MOSPD2: variants seen among roughly 807,000 people sequenced by gnomAD.
MOSPD2 encodes motile sperm domain containing 2.
A neutral mutation model predicts 41.7 loss-of-function variants in MOSPD2; 5 were observed. The observed-to-expected ratio is 0.12, with a 90% CI of 0.06 to 0.25. The LOEUF (loss-of-function observed/expected upper bound fraction) is 0.25. MOSPD2 is among the 10% of genes least tolerant of loss of function. The pLI, the probability that MOSPD2 is intolerant of heterozygous loss-of-function variation, is 1.00. For missense variants in MOSPD2, 282 were observed against 375.2 expected, an observed-to-expected ratio of 0.75 and a Z score of 2.05; for synonymous variants, 115 against 126.9, an observed-to-expected ratio of 0.91 and a Z score of 0.63.
At chrX:14,906,828 C>T (rs755071692) in intron 7 of MOSPD2, among the ~76,000 whole-genome samples, 1 of 111,397 alleles carries the variant, frequency 9.0e-6, no homozygotes, top group Non-Finnish European at 1.9e-5. Flanking sequence ...AGTTGGAGAC[C>T]AACCTGGCTA....
At chrX:14,882,835 A>G (rs2147479889) in intron 2 of MOSPD2, among the ~76,000 whole-genome samples, 1 of 103,836 alleles carries the variant, frequency 9.6e-6, no homozygotes, top group Non-Finnish European at 2.0e-5. Flanking sequence ...CATCTCTTTA[A>G]GTTGTTTATA....
Position 14,897,210 on chromosome X carries a change from A to G in MOSPD2, c.449A>G (p.Asp150Gly). ...ENGKPVTVMF[D>G]LSETGINSID... ...GGGAAACCTGTAACAGTGATGTTTG[A>G]CCTGTCAGAAACTGGAATAAATAGC... Residue 150 changes from aspartate (D) to glycine (G), a missense_variant, in exon 5 of 15, where the codon GAC becomes GGC. Asp to Gly is a moderately conservative substitution (Grantham distance 94). Coordinates refer to ENST00000380492, the MANE Select transcript of MOSPD2 (RefSeq NM_152581.4). 1 of 1,204,386 alleles carries G rather than the reference A, an allele frequency of 8.3e-7. No individual in the cohort carries two copies. The highest frequency in any genetic ancestry group is 2.3e-4 in the Middle Eastern group (1 of 4,308).
intron 2 of MOSPD2, among the ~76,000 whole-genome samples, chrX:14,882,727 A>C (rs1269741373): frequency 8.9e-6 from 1 of 111,931 alleles, no homozygotes; most frequent in Non-Finnish European, 1.9e-5. Context: ...CAAATTTGGT[A>C]AACCTATTTA....
At chrX:14,880,249 T>C (rs753881790) in intron 2 of MOSPD2, among the ~76,000 whole-genome samples, 67 of 111,185 alleles carry the variant, frequency 6.0e-4, no homozygotes, top group African/African-American at 2.2e-3. Context: ...ATACTGTATG[T>C]GTTTTATTTT....
rs982193642 is a variant in MOSPD2, at chrX:14,920,876, C to CA, written c.*1076dup. ...ACTAGAGTATCTAGAAGGGTGAAAA[C>CA]AAAAAAAAATAAAAAGAAACACAGA... is the stretch of plus-strand genomic sequence containing the variant. On this transcript the variant is annotated 3_prime_UTR_variant, in exon 15 of 15. Transcript: ENST00000380492. The CA allele has an allele frequency of 1.5e-4, 109 of 740,890 alleles. No individual in the cohort carries two copies. The highest frequency in any genetic ancestry group is 9.0e-4 in the South Asian group (13 of 14,420). 61.1% of individuals were successfully genotyped at this position (740,890 alleles called of 1,213,427 possible). A position where few individuals can be genotyped will look rare whatever the true frequency, so the allele number is the denominator to read the frequency against.
chrX:14,882,161 A>G (rs1355780532), intron 2 of MOSPD2, among the ~76,000 whole-genome samples: 1 of 112,067 alleles, frequency 8.9e-6, no homozygotes, highest in Non-Finnish European at 1.9e-5. Context: ...AAAGAAGGAA[A>G]GCCTATCATT....
intron 3 of MOSPD2, among the ~76,000 whole-genome samples, chrX:14,894,704 G>A (rs1035948999): frequency 6.3e-4 from 70 of 110,455 alleles, no homozygotes; most frequent in African/African-American, 2.1e-3. Flanking sequence ...TGATACTCCC[G>A]TGTTGGCCTC....
At chrX:14,882,067 C>T (rs1024731169) in intron 2 of MOSPD2, among the ~76,000 whole-genome samples, 13 of 109,488 alleles carry the variant, frequency 1.2e-4, no homozygotes, top group Non-Finnish European at 1.3e-4. Context: ...ATGTAAATGA[C>T]GAGTTAATGG....
intron 2 of MOSPD2, among the ~76,000 whole-genome samples, chrX:14,880,483 T>A (rs973413150): frequency 3.6e-5 from 4 of 112,108 alleles, no homozygotes; most frequent in Non-Finnish European, 7.5e-5. Flanking sequence ...TTTCCTTTAC[T>A]ACATTGGCTG....
chrX:14,887,327 T>A (rs897060956), intron 2 of MOSPD2, among the ~76,000 whole-genome samples: 1 of 112,640 alleles, frequency 8.9e-6, no homozygotes, highest in African/African-American at 3.2e-5. Context: ...AATTTAGTCT[T>A]CTTTTCATAG....
At chrX:14,889,263 A>G (rs1415037069) in intron 2 of MOSPD2, among the ~76,000 whole-genome samples, 1 of 111,728 alleles carries the variant, frequency 9.0e-6, no homozygotes, top group Non-Finnish European at 1.9e-5. Flanking sequence ...CTTGCTTCAA[A>G]CCATAGCACA....
At chrX:14,899,606 A>ACACAC (rs1569103813) in intron 5 of MOSPD2, among the ~76,000 whole-genome samples, 5 of 105,607 alleles carry the variant, frequency 4.7e-5, no homozygotes, top group Non-Finnish European at 5.8e-5. Context: ...ACACACACAC[A>ACACAC]AAGGTATTAT....
At chrX:14,904,168 C>T (rs747702575) in intron 7 of MOSPD2, among the ~76,000 whole-genome samples, 1 of 111,462 alleles carries the variant, frequency 9.0e-6, no homozygotes, top group South Asian at 3.7e-4. Context: ...CAAGTATAAC[C>T]ATAATACCAA....
intron 7 of MOSPD2, among the ~76,000 whole-genome samples, chrX:14,908,365 G>A (rs1016766040): frequency 1.8e-5 from 2 of 111,768 alleles, no homozygotes; most frequent in African/African-American, 6.5e-5. Flanking sequence ...AGAAGTGTAG[G>A]GTTAGAAAGG....
rs2037554288 is a variant in MOSPD2, at chrX:14,921,735, T to TGAAA, written c.*1926_*1927insGAAA. The TGAAA allele has an allele frequency of 1.4e-5, 2 of 147,837 alleles. No individual in the cohort carries two copies. The highest frequency in any genetic ancestry group is 1.7e-4 in the Admixed American group (2 of 11,712). 12.2% of individuals were successfully genotyped at this position (147,837 alleles called of 1,213,427 possible). ...CTAAGCAGGATTACTGAAAATTCAC[T>TGAAA]ATAAAATCAAAGGCATCTAAACGTT... On this transcript the variant is annotated 3_prime_UTR_variant, in exon 15 of 15. Transcript: ENST00000380492.
rs1261685821 is a variant in MOSPD2, at chrX:14,918,712, C to A, written c.1349C>A (p.Pro450Gln). The change falls in exon 14 of 15, where the codon CCA becomes CAA. Residue 450 changes from proline (P) to glutamine (Q), a missense_variant. Around this residue, in one of 3 missense-constraint regions of MOSPD2, gnomAD observed 94 missense variants for 102.1 expected, o/e 0.92. Coordinates refer to ENST00000380492, the MANE Select transcript of MOSPD2 (RefSeq NM_152581.4). ...TGCCATACTGTTGAAAGCAGTAAACCAAACACTCTTACGTTAAAAGACAAT... is the reference window on the plus strand; with the variant it reads ...TGCCATACTGTTGAAAGCAGTAAACAAAACACTCTTACGTTAAAAGACAAT... ...LRCHTVESSK[P>Q]NTLTLKDNAF... 8.3e-7 allele frequency: 1 copy of A among 1,200,929 alleles called. No individual in the cohort carries two copies. Among genetic ancestry groups the A allele is most frequent in the Non-Finnish European group, 1.1e-6 (1 of 886,834 alleles).
Position 14,892,782 on chromosome X carries a change from G to A in MOSPD2, c.139G>A (p.Val47Ile), listed in dbSNP as rs1436222825. 1.7e-6 allele frequency: 2 copies of A among 1,199,659 alleles called. No homozygotes were observed. Among genetic ancestry groups the A allele is most frequent in the African/African-American group, 1.8e-5 (1 of 56,986 alleles). ...VERLQQDDNW[V>I]ESYLSWRHNI... ...AAGGCTACAACAAGATGATAACTGG[G>A]TTGAAAGTTACTTATCTTGGAGACA... is the stretch of plus-strand genomic sequence containing the variant. Residue 47 changes from valine (V) to isoleucine (I), a missense_variant, in exon 3 of 15, where the codon GTT (valine) becomes ATT (isoleucine). Val to Ile is a conservative substitution (Grantham distance 29, BLOSUM62 3). Coordinates refer to ENST00000380492, the MANE Select transcript of MOSPD2 (RefSeq NM_152581.4).
At chrX:14,893,528 TGTTA>T (rs1344546433) in intron 3 of MOSPD2, among the ~76,000 whole-genome samples, 1 of 111,881 alleles carries the variant, frequency 8.9e-6, no homozygotes, top group African/African-American at 3.2e-5. Context: ...TATGAAGACC[TGTTA>T]GTTCTCTCCA....
At chrX:14,885,196 C>T (rs2092538875) in intron 2 of MOSPD2, 1 of 111,678 alleles carries the variant, frequency 9.0e-6, no homozygotes, top group South Asian at 3.7e-4. Context: ...TGCAAACATT[C>T]ACCACATACT....
Sources: allele counts gnomAD v4.1 joint callset (sites outside exome capture counted in the v4.1 genomes callset), GRCh38; gene constraint gnomAD v4.1.1; regional missense constraint gnomAD v4.1.1; transcripts MANE v1.5; gene names NCBI Gene and HGNC (gene_info 2026-07-23, HGNC 2026-07-21).